The following LINGO1 variants were observed in gnomAD, a reference collection of about 807,000 sequenced individuals.
The protein encoded by LINGO1 is leucine-rich repeat and immunoglobulin-like domain-containing nogo receptor-interacting protein 1.
Under a neutral mutation model 37.3 loss-of-function variants are expected in LINGO1, and 11 were observed. That is an observed-to-expected ratio of 0.29 (90% CI 0.19 to 0.49). LINGO1 has a LOEUF of 0.49. Ranked by LOEUF, LINGO1 falls within the 20% of genes least tolerant of loss-of-function variation. The probability of loss-of-function intolerance (pLI) is 0.99; values close to 1 mark genes in which losing one functional copy is unlikely to be tolerated. For missense variants in LINGO1, 585 were observed against 878.2 expected, an observed-to-expected ratio of 0.67 and a Z score of 4.22; for synonymous variants, 387 against 403.0, an observed-to-expected ratio of 0.96 and a Z score of 0.48.
intron 1 of LINGO1, among the ~76,000 whole-genome samples, chr15:77,817,678 C>A (rs1360677878): frequency 6.6e-6 from 1 of 152,146 alleles, no homozygotes; most frequent in Non-Finnish European, 1.5e-5. Flanking sequence ...ACGTGCCACA[C>A]GCAGCAGGAG....
At chr15:77,813,489 G>A (rs1424950954) in intron 1 of LINGO1, among the ~76,000 whole-genome samples, 1 of 152,242 alleles carries the variant, frequency 6.6e-6, no homozygotes, top group Non-Finnish European at 1.5e-5. Context: ...TGTTGGGTGA[G>A]AGCATGACAG....
chr15:77,670,921 C>G (rs2075236763), intron 3 of LINGO1, among the ~76,000 whole-genome samples: 1 of 152,232 alleles, frequency 6.6e-6, no homozygotes, highest in African/African-American at 2.4e-5. Flanking sequence ...AGCACCACCC[C>G]TAGCTCCTCC....
intron 3 of LINGO1, chr15:77,667,766 G>A (rs2075164849): frequency 6.6e-6 from 1 of 152,216 alleles, no homozygotes. Flanking sequence ...ATCCCTGCCT[G>A]TTTATTTGGA....
At chr15:77,698,852 G>C (rs563072197), upstream of LINGO1, among the ~76,000 whole-genome samples, 269 of 152,294 alleles carry the variant, frequency 1.8e-3, no homozygotes, top group African/African-American at 6.3e-3. Context: ...GAAAGTGCCT[G>C]CAGTGAGAGG....
intron 2 of LINGO1, among the ~76,000 whole-genome samples, chr15:77,734,739 C>T (rs1322279769): frequency 6.6e-6 from 1 of 152,050 alleles, no homozygotes; most frequent in African/African-American, 2.4e-5. Context: ...GCCCCCAGCG[C>T]CTATAACCCT....
chr15:77,633,147 C>A (rs1034528416), upstream of LINGO1, among the ~76,000 whole-genome samples: 2 of 151,854 alleles, frequency 1.3e-5, no homozygotes, highest in African/African-American at 4.8e-5. Context: ...GGCGCACCAG[C>A]CAGGCGCTCC....
chr15:77,635,158 A>C (rs758267596), upstream of LINGO1, among the ~76,000 whole-genome samples: 4 of 152,052 alleles, frequency 2.6e-5, no homozygotes, highest in Non-Finnish European at 5.9e-5. Context: ...ATGACCACGG[A>C]GCTGTGTCTG....
At chr15:77,745,850 A>G (rs2076309248) in intron 1 of LINGO1, among the ~76,000 whole-genome samples, 1 of 152,120 alleles carries the variant, frequency 6.6e-6, no homozygotes, top group South Asian at 2.1e-4. Flanking sequence ...GGACTGTGTG[A>G]TGGAGGCTGG....
chr15:77,789,187 C>T (rs12591307), upstream of LINGO1, among the ~76,000 whole-genome samples: 75,902 of 152,082 alleles, frequency 0.5, 19,650 homozygotes, highest in South Asian at 0.61. Context: ...TAAATTCTAA[C>T]CCCCAATACC....
At chr15:77,796,362 A>G (rs1467296895) in intron 1 of LINGO1, among the ~76,000 whole-genome samples, 2 of 152,234 alleles carry the variant, frequency 1.3e-5, no homozygotes, top group African/African-American at 4.8e-5. Flanking sequence ...GGCTCTGGGA[A>G]GCGCAGAGTT....
At chr15:77,631,041 G>C (rs1458899129) in intron 1 of LINGO1, among the ~76,000 whole-genome samples, 1 of 152,202 alleles carries the variant, frequency 6.6e-6, no homozygotes, top group African/African-American at 2.4e-5. Context: ...GGGAGCAGCT[G>C]GCCCTCTTCT....
intron 2 of LINGO1, among the ~76,000 whole-genome samples, chr15:77,717,655 A>T (rs1022952990): frequency 4.0e-5 from 6 of 150,854 alleles, no homozygotes; most frequent in African/African-American, 1.2e-4. Flanking sequence ...CTTCTACCTT[A>T]GCTGGCACTA....
At chr15:77,786,202 C>T (rs1266910510) in intron 1 of LINGO1, among the ~76,000 whole-genome samples, 1 of 152,222 alleles carries the variant, frequency 6.6e-6, no homozygotes, top group Non-Finnish European at 1.5e-5. Flanking sequence ...GCAGGTTCAC[C>T]TGTGCCATCC....
chr15:77,812,911 G>A (rs560367735), intron 1 of LINGO1, among the ~76,000 whole-genome samples: 6 of 152,336 alleles, frequency 3.9e-5, no homozygotes, highest in African/African-American at 1.4e-4. Context: ...TCAAACAGAT[G>A]TTTTGGGCCT....
At chr15:77,719,972 G>T (rs1362569712) in intron 2 of LINGO1, among the ~76,000 whole-genome samples, 1 of 150,222 alleles carries the variant, frequency 6.7e-6, no homozygotes, top group Non-Finnish European at 1.5e-5. Context: ...AGGAACTGAG[G>T]CTGGGGACAG....
At position 77,655,498 on chromosome 15, in the gene LINGO1, A is replaced by G. The variant is rs557882271; in HGVS notation, c.-13+21591T>C. ...AGGTGGGCACTCCTCCGAGATCAGTACCACATCCGTTTGCTCCTCCCTGTG... is the reference window on the plus strand; with the variant it reads ...AGGTGGGCACTCCTCCGAGATCAGTGCCACATCCGTTTGCTCCTCCCTGTG... On this transcript the variant is annotated intron_variant, in intron 3 of 3. Coordinates refer to the LINGO1 transcript ENST00000559893. Among the ~76,000 whole-genome samples the G allele has an allele frequency of 4.6e-5, 7 of 152,190 alleles. No individual in the cohort carries two copies. In the South Asian group the frequency reaches 1.5e-3, roughly 32 times the overall value.
At chr15:77,810,928 C>T (rs1325620180) in intron 1 of LINGO1, among the ~76,000 whole-genome samples, 1 of 152,164 alleles carries the variant, frequency 6.6e-6, no homozygotes, top group African/African-American at 2.4e-5. Flanking sequence ...CTCAGTAGGG[C>T]CTCAGGCAGC....
At chr15:77,780,077 GA>G (rs2076700893) in intron 1 of LINGO1, among the ~76,000 whole-genome samples, 1 of 152,212 alleles carries the variant, frequency 6.6e-6, no homozygotes, top group Admixed American at 6.5e-5. Flanking sequence ...GGCTTTACAG[GA>G]TAAGTAGGAG....
At chr15:77,784,879 C>T (rs1054780138) in intron 1 of LINGO1, 1 of 152,084 alleles carries the variant, frequency 6.6e-6, no homozygotes, top group African/African-American at 2.4e-5. Flanking sequence ...CCCTTGACCT[C>T]TCTGAGCCTC....
Sources: allele counts gnomAD v4.1 joint callset (sites outside exome capture counted in the v4.1 genomes callset), GRCh38; gene constraint gnomAD v4.1.1; transcripts MANE v1.5; gene names NCBI Gene and HGNC (gene_info 2026-07-23, HGNC 2026-07-21).